The following HYDIN variants were observed in gnomAD, a reference collection of about 807,000 sequenced individuals.
HYDIN encodes the protein HYDIN axonemal central pair apparatus protein.
HYDIN carries 132 observed loss-of-function variants against 403.9 expected under a neutral mutation model. The ratio of observed to expected loss-of-function variants is 0.33; its 90% confidence interval spans 0.28 to 0.38. HYDIN has a LOEUF of 0.38. Among genes scored for constraint, HYDIN ranks in the 10% least tolerant of loss-of-function variants. The pLI is 1.00. For missense variants in HYDIN, 2,827 were observed against 5,009.5 expected, an observed-to-expected ratio of 0.56 and a Z score of 13.15; for synonymous variants, 1,202 against 1,891.7, an observed-to-expected ratio of 0.64 and a Z score of 9.46.
intron 67 of HYDIN, among the ~76,000 whole-genome samples, chr16:70,864,864 G>T (rs9936587): frequency 6.6e-6 from 1 of 152,036 alleles, no homozygotes; most frequent in Non-Finnish European, 1.5e-5. Context: ...TAGTGGGAAC[G>T]CAGCCACAGA....
rs1430664615 is a variant in HYDIN, at chr16:70,807,037, T to C, written c.*543A>G. Among the ~76,000 whole-genome samples the C allele has an allele frequency of 6.6e-6, 1 of 152,168 alleles. No individual in the cohort carries two copies. Among genetic ancestry groups the C allele is most frequent in the Non-Finnish European group, 1.5e-5 (1 of 68,030 alleles). ...ATGTGGGATTCGGACACTGATGGTA[T>C]AAAAGCCAAGAGAAAAAGTGATGGG... On this transcript the variant is annotated 3_prime_UTR_variant, in exon 86 of 86. Transcript: ENST00000393567.
chr16:70,881,424 C>T (rs375333575), intron 60 of HYDIN, among the ~76,000 whole-genome samples: 28 of 142,854 alleles, frequency 2.0e-4, no homozygotes, highest in East Asian at 8.4e-4. Context: ...CTGGCTAACA[C>T]GGTGAAACCC....
intron 12 of HYDIN, among the ~76,000 whole-genome samples, chr16:71,083,134 G>GTTTTCAAGGTTCATAATGGATGAACCTTA (rs2082836229): frequency 7.1e-6 from 1 of 140,300 alleles, no homozygotes; most frequent in East Asian, 2.3e-4. Flanking sequence ...CTTTCATAAT[G>GTTTTCAAGGTTCATAATGGATGAACCTTA]TTTTCAAGGT....
chr16:71,220,713 G>A (rs912550414), intron 1 of HYDIN, among the ~76,000 whole-genome samples: 1 of 152,150 alleles, frequency 6.6e-6, no homozygotes, highest in South Asian at 2.1e-4. Context: ...AACCAGACTA[G>A]GAGAGAGAGT....
intron 1 of HYDIN, among the ~76,000 whole-genome samples, chr16:71,199,692 A>C (rs2087889086): frequency 6.6e-6 from 1 of 152,230 alleles, no homozygotes; most frequent in Non-Finnish European, 1.5e-5. Context: ...TACCATTATC[A>C]GAAGCAGAAA....
intron 5 of HYDIN, among the ~76,000 whole-genome samples, chr16:71,174,475 G>A (rs753478699): frequency 6.6e-6 from 1 of 152,144 alleles, no homozygotes; most frequent in African/African-American, 2.4e-5. Flanking sequence ...CTATTAACAT[G>A]ATACACAGCC....
At chr16:70,964,398 C>T (rs1049190519) in intron 37 of HYDIN, among the ~76,000 whole-genome samples, 1 of 151,006 alleles carries the variant, frequency 6.6e-6, no homozygotes, top group East Asian at 2.0e-4. Context: ...AAACTGTGGA[C>T]CTGGCCTCTC....
intron 45 of HYDIN, among the ~76,000 whole-genome samples, chr16:70,934,253 A>G (rs1210418099): frequency 6.6e-6 from 1 of 152,108 alleles, no homozygotes; most frequent in Non-Finnish European, 1.5e-5. Flanking sequence ...GTGACGAGGC[A>G]AAGCCAGCAA....
In HYDIN at chr16:70,868,635, T is replaced by C; in HGVS notation, c.11245A>G (p.Met3749Val). The C allele has an allele frequency of 6.2e-7, 1 of 1,614,048 alleles. No individual in the cohort carries two copies. ...ACGTCCACCCACTTGACTGTGTGCA[T>C]GCGGTCATCCCAGTCGGGGACCTGG... ...ADQVPDWDDR[M>V]HTVKWVDVPR... Residue 3749 changes from methionine (M) to valine (V), a missense_variant, in exon 66 of 86, where the codon ATG (methionine) becomes GTG (valine). Transcript: ENST00000393567.
rs933861875 is a variant in HYDIN, at chr16:70,980,719, T to C, written c.4510+672A>G. ...GAAAGTAGATTTCAAGGAGCTTGAATAGAGATTCATAAAGAGTGAGAGGTT... is the reference window on the plus strand; with the variant it reads ...GAAAGTAGATTTCAAGGAGCTTGAACAGAGATTCATAAAGAGTGAGAGGTT... On this transcript the variant is annotated intron_variant, in intron 29 of 85. Coordinates refer to ENST00000393567, the MANE Select transcript of HYDIN (RefSeq NM_001270974.2). Among the ~76,000 whole-genome samples the C allele has an allele frequency of 7.3e-5, 11 of 151,554 alleles. No homozygotes were observed. In the South Asian group the frequency reaches 1.5e-3, roughly 20 times the overall value.
chr16:71,059,861 C>T (rs1051595655), intron 18 of HYDIN, among the ~76,000 whole-genome samples: 4 of 152,078 alleles, frequency 2.6e-5, no homozygotes, highest in African/African-American at 9.7e-5. Context: ...GTTCAAGGGT[C>T]AACTGTACAT....
At chr16:71,083,403 T>C (rs2144349525) in intron 12 of HYDIN, among the ~76,000 whole-genome samples, 1 of 144,918 alleles carries the variant, frequency 6.9e-6, no homozygotes, top group East Asian at 2.1e-4. Flanking sequence ...AACATTCATG[T>C]ACAAGTTTTT....
chr16:70,944,004 T>G, intron 41 of HYDIN, 55 bp from the exon 42 acceptor site: 1 of 1,328,680 alleles, frequency 7.5e-7, no homozygotes, highest in South Asian at 1.3e-5. Context: ...TCTCAACAAC[T>G]CCTACACTTA....
intron 5 of HYDIN, among the ~76,000 whole-genome samples, chr16:71,172,939 T>G (rs2086525993): frequency 6.6e-6 from 1 of 152,342 alleles, no homozygotes; most frequent in East Asian, 1.9e-4. Flanking sequence ...ACTCATTGGC[T>G]GCATTCTGGA....
chr16:70,891,185 T>A (rs56729598), intron 57 of HYDIN, among the ~76,000 whole-genome samples: 97 of 151,766 alleles, frequency 6.4e-4, no homozygotes, highest in East Asian at 1.2e-3. Flanking sequence ...TAAAAAAAAA[T>A]TTTTTTATTT....
At chr16:71,178,596 T>C (rs2086779906) in intron 4 of HYDIN, among the ~76,000 whole-genome samples, 1 of 151,760 alleles carries the variant, frequency 6.6e-6, no homozygotes, top group Non-Finnish European at 1.5e-5. Flanking sequence ...TAAACATTAA[T>C]AGTAATTTCC....
intron 62 of HYDIN, among the ~76,000 whole-genome samples, chr16:70,878,081 G>A (rs373780828): frequency 1.1e-4 from 17 of 152,266 alleles, no homozygotes; most frequent in Non-Finnish European, 1.5e-4. Context: ...TAACTCCCAC[G>A]TGTTGCGGGA....
chr16:71,051,725 T>C (rs1390120494), intron 18 of HYDIN, among the ~76,000 whole-genome samples: 1 of 151,882 alleles, frequency 6.6e-6, no homozygotes, highest in Non-Finnish European at 1.5e-5. Context: ...CAGCGTCTAC[T>C]CTAACCTCTA....
At chr16:70,904,391 C>T (rs1405610980) in intron 50 of HYDIN, among the ~76,000 whole-genome samples, 1 of 120,724 alleles carries the variant, frequency 8.3e-6, no homozygotes. Context: ...TGAATGTTAG[C>T]TATGATTATT....
Sources: gnomAD v4.1 joint callset for allele counts (sites outside exome capture counted in the v4.1 genomes callset) on GRCh38, gnomAD v4.1.1 for gene constraint, MANE v1.5 for transcripts, NCBI Gene and HGNC (gene_info 2026-07-23, HGNC 2026-07-21) for gene names.